COA1: variants seen among roughly 807,000 people sequenced by gnomAD.
The protein encoded by COA1 is cytochrome c oxidase assembly factor 1 homolog.
In COA1, 13 loss-of-function variants were observed where a neutral mutation model predicts 16.0. That is an observed-to-expected ratio of 0.81 (90% CI 0.53 to 1.29). The LOEUF (loss-of-function observed/expected upper bound fraction) is 1.29. Among genes scored for constraint, COA1 ranks in the 50% most tolerant of loss-of-function variants. COA1 has a pLI of 0.00. For missense variants in COA1, 179 were observed against 177.0 expected, an observed-to-expected ratio of 1.01 and a Z score of -0.06; for synonymous variants, 65 against 65.7, an observed-to-expected ratio of 0.99 and a Z score of 0.05.
chr7:43,702,874 C>T (rs1395257333), intron 1 of COA1, among the ~76,000 whole-genome samples: 1 of 152,094 alleles, frequency 6.6e-6, no homozygotes, highest in African/African-American at 2.4e-5. Flanking sequence ...TTGGTTATCG[C>T]TTTTCTTCTG....
chr7:43,662,927 G>A (rs558333861), intron 1 of COA1, among the ~76,000 whole-genome samples: 1 of 152,268 alleles, frequency 6.6e-6, no homozygotes, highest in South Asian at 2.1e-4. Context: ...CATAAATCAA[G>A]TGCCATACCA....
chr7:43,626,966 GA>G (rs900081315), intron 6 of COA1, among the ~76,000 whole-genome samples: 3 of 152,168 alleles, frequency 2.0e-5, no homozygotes, highest in Non-Finnish European at 4.4e-5. Context: ...AACAGGGCAT[GA>G]AGAGCCTTCA....
chr7:43,684,383 C>G (rs1480478285), intron 1 of COA1, among the ~76,000 whole-genome samples: 1 of 152,196 alleles, frequency 6.6e-6, no homozygotes, highest in Non-Finnish European at 1.5e-5. Context: ...TAGCCTTTCT[C>G]TGTAGCCTGA....
intron 1 of COA1, among the ~76,000 whole-genome samples, chr7:43,702,164 G>A (rs915243552): frequency 3.9e-5 from 6 of 152,022 alleles, no homozygotes; most frequent in African/African-American, 1.4e-4. Context: ...TGTCCAGAAT[G>A]TTGGACCTAT....
chr7:43,615,985 C>T (rs1301035357), intron 6 of COA1, among the ~76,000 whole-genome samples: 1 of 152,202 alleles, frequency 6.6e-6, no homozygotes, highest in Non-Finnish European at 1.5e-5. Flanking sequence ...TTTGAGTTCC[C>T]CATAGTGCTT....
At chr7:43,610,013 C>T (rs922185573) in intron 6 of COA1, among the ~76,000 whole-genome samples, 22 of 152,196 alleles carry the variant, frequency 1.4e-4, no homozygotes, top group Non-Finnish European at 8.8e-5. Context: ...TAGGGCAAGG[C>T]GAGGCTTAAA....
chr7:43,668,289 A>C (rs1302518569), intron 1 of COA1, among the ~76,000 whole-genome samples: 1 of 152,210 alleles, frequency 6.6e-6, no homozygotes, highest in African/African-American at 2.4e-5. Flanking sequence ...CAGGTATTTG[A>C]GGATACAAAC....
At position 43,686,381 on chromosome 7, in the gene COA1, A is replaced by G. The variant is rs1021311131; in HGVS notation, c.-38-37729T>C. On this transcript the variant is annotated intron_variant, in intron 1 of 5. Transcript: ENST00000223336. ...GAGTGCTGTGGCGCGATCTCCGCTC[A>G]CTGCAAGCTCCGCCTTCCGGGTTCA... Among the ~76,000 whole-genome samples the G allele has an allele frequency of 3.5e-5, 5 of 141,526 alleles. No homozygotes were observed. In the South Asian group the frequency reaches 8.5e-4, roughly 24 times the overall value. 92.8% of individuals were successfully genotyped at this position (141,526 alleles called of 152,430 possible).
At chr7:43,697,584 G>A (rs1465178053) in intron 1 of COA1, among the ~76,000 whole-genome samples, 2 of 152,114 alleles carry the variant, frequency 1.3e-5, no homozygotes, top group African/African-American at 4.8e-5. Flanking sequence ...GCACCCAGCT[G>A]GAAACTTATT....
At chr7:43,690,450 CACACACACACATATATGTATAT>C (rs1260491857) in intron 1 of COA1, among the ~76,000 whole-genome samples, 1 of 151,626 alleles carries the variant, frequency 6.6e-6, no homozygotes, top group Non-Finnish European at 1.5e-5. Context: ...CACATATATA[CACACACACACATATATGTATAT>C]ACACACATAC....
chr7:43,637,730 C>A (rs1008035794), downstream of COA1, among the ~76,000 whole-genome samples: 1 of 152,182 alleles, frequency 6.6e-6, no homozygotes, highest in Admixed American at 6.5e-5. Context: ...CCCGAGATAG[C>A]GGCTTTCAAA....
chr7:43,703,499 G>A (rs947127708), intron 1 of COA1, among the ~76,000 whole-genome samples: 1 of 152,158 alleles, frequency 6.6e-6, no homozygotes, highest in Non-Finnish European at 1.5e-5. Flanking sequence ...TTTGTTTTAT[G>A]AATCTGGGTG....
intron 6 of COA1, among the ~76,000 whole-genome samples, chr7:43,620,376 T>A (rs2083755340): frequency 1.3e-5 from 2 of 152,140 alleles, no homozygotes; most frequent in African/African-American, 2.4e-5. Flanking sequence ...GACCAGAGAT[T>A]AGATTATTAA....
chr7:43,621,054 GA>G (rs1006093815), intron 6 of COA1, among the ~76,000 whole-genome samples: 1 of 152,142 alleles, frequency 6.6e-6, no homozygotes, highest in Admixed American at 6.5e-5. Context: ...GATGTTACAA[GA>G]AAAGAGCTAT....
At chr7:43,680,742 G>A (rs1337269167) in intron 1 of COA1, among the ~76,000 whole-genome samples, 1 of 152,214 alleles carries the variant, frequency 6.6e-6, no homozygotes, top group East Asian at 1.9e-4. Context: ...GCAGAGGCAG[G>A]AGAATCACTT....
intron 1 of COA1, among the ~76,000 whole-genome samples, chr7:43,726,512 C>A (rs925902693): frequency 1.3e-5 from 2 of 152,196 alleles, no homozygotes; most frequent in Non-Finnish European, 2.9e-5. Context: ...AATCCCTACA[C>A]AAAGAACTCC....
At chr7:43,696,470 CTT>C (rs1414882938) in intron 1 of COA1, among the ~76,000 whole-genome samples, 1 of 152,144 alleles carries the variant, frequency 6.6e-6, no homozygotes, top group Non-Finnish European at 1.5e-5. Context: ...TAACCAGAAA[CTT>C]GACTATCATC....
At chr7:43,714,571 G>A (rs1483551696) in intron 1 of COA1, among the ~76,000 whole-genome samples, 1 of 151,168 alleles carries the variant, frequency 6.6e-6, no homozygotes, top group East Asian at 2.0e-4. Flanking sequence ...AGAGGTTGCA[G>A]TGAGCTGAGA....
intron 1 of COA1, among the ~76,000 whole-genome samples, chr7:43,707,295 T>A (rs1284718659): frequency 6.6e-6 from 1 of 152,218 alleles, no homozygotes; most frequent in Non-Finnish European, 1.5e-5. Flanking sequence ...ATGCAAATAC[T>A]TACAAATTAG....
Sources: gnomAD v4.1 joint callset for allele counts (sites outside exome capture counted in the v4.1 genomes callset) on GRCh38, gnomAD v4.1.1 for gene constraint, MANE v1.5 for transcripts, NCBI Gene and HGNC (gene_info 2026-07-23, HGNC 2026-07-21) for gene names.